The following LRRC4C variants were observed in gnomAD, a reference collection of about 807,000 sequenced individuals.
LRRC4C encodes the protein leucine rich repeat containing 4C, also known as leucine-rich repeat-containing protein 4C.
In LRRC4C, 5 loss-of-function variants were observed where a neutral mutation model predicts 33.6. The observed-to-expected ratio is 0.15, with a 90% CI of 0.08 to 0.31. The LOEUF (loss-of-function observed/expected upper bound fraction) is 0.31, where lower values mean the gene tolerates loss of function less well. Ranked by LOEUF, LRRC4C falls within the 10% of genes least tolerant of loss-of-function variation. The pLI, the probability that LRRC4C is intolerant of heterozygous loss-of-function variation, is 1.00. For missense variants in LRRC4C, 560 were observed against 796.7 expected (o/e 0.70, Z 3.58); for synonymous variants, 329 against 302.0 (o/e 1.09, Z -0.93).
chr11:40,634,411 G>T (rs1963770723), intron 3 of LRRC4C, among the ~76,000 whole-genome samples: 2 of 152,086 alleles, frequency 1.3e-5, no homozygotes, highest in Admixed American at 1.3e-4. Context: ...AGGGTTTACG[G>T]ATTTCATTAA....
chr11:41,053,546 T>C (rs2138159850), intron 1 of LRRC4C, among the ~76,000 whole-genome samples: 1 of 152,320 alleles, frequency 6.6e-6, no homozygotes, highest in Admixed American at 6.5e-5. Context: ...AATCCTGATG[T>C]AGGGAAACTG....
intron 1 of LRRC4C, among the ~76,000 whole-genome samples, chr11:41,063,586 A>G (rs1436171863): frequency 1.3e-5 from 2 of 152,158 alleles, no homozygotes; most frequent in Non-Finnish European, 2.9e-5. Context: ...TGTTTCAAAT[A>G]GAGGGGGCAG....
At chr11:40,670,835 C>T (rs1350747635) in intron 2 of LRRC4C, among the ~76,000 whole-genome samples, 1 of 152,176 alleles carries the variant, frequency 6.6e-6, no homozygotes, top group East Asian at 1.9e-4. Context: ...GCATCCTCGG[C>T]TCACTGCAAG....
At chr11:40,267,910 C>T (rs1215249489) in intron 4 of LRRC4C, among the ~76,000 whole-genome samples, 1 of 152,150 alleles carries the variant, frequency 6.6e-6, no homozygotes, top group Admixed American at 6.5e-5. Context: ...TAACTTCCTG[C>T]AATTACTGAC....
intron 1 of LRRC4C, among the ~76,000 whole-genome samples, chr11:41,376,775 AAT>A (rs1952951013): frequency 6.6e-6 from 1 of 152,136 alleles, no homozygotes; most frequent in Admixed American, 6.6e-5. Flanking sequence ...CATTGATAAA[AAT>A]ATTTGAGTAA....
At chr11:40,404,397 T>C (rs1170933360) in intron 3 of LRRC4C, among the ~76,000 whole-genome samples, 3 of 152,146 alleles carry the variant, frequency 2.0e-5, no homozygotes, top group East Asian at 1.9e-4. Flanking sequence ...TAGTGCATAA[T>C]ATATGCATAT....
At chr11:41,160,783 G>A (rs2136024212) in intron 1 of LRRC4C, among the ~76,000 whole-genome samples, 1 of 152,198 alleles carries the variant, frequency 6.6e-6, no homozygotes, top group South Asian at 2.1e-4. Context: ...TAGTGCTAAG[G>A]AAGTTTGTAC....
chr11:41,203,844 C>G (rs1302567122), intron 1 of LRRC4C, among the ~76,000 whole-genome samples: 1 of 152,184 alleles, frequency 6.6e-6, no homozygotes, highest in Non-Finnish European at 1.5e-5. Flanking sequence ...AAAACATTCA[C>G]AGCCCAAAAT....
At chr11:40,917,516 C>T (rs1038891) in intron 2 of LRRC4C, among the ~76,000 whole-genome samples, 15 of 151,902 alleles carry the variant, frequency 9.9e-5, no homozygotes, top group Admixed American at 2.6e-4. Context: ...TTAAATTATG[C>T]GTTGTATGCC....
At chr11:40,407,299 T>C (rs889108464) in intron 3 of LRRC4C, among the ~76,000 whole-genome samples, 4 of 152,130 alleles carry the variant, frequency 2.6e-5, no homozygotes, top group African/African-American at 9.7e-5. Flanking sequence ...TGAGCCAAAC[T>C]ACAGCTCAGA....
rs181752867 is a variant in LRRC4C at position 40,910,485 on chromosome 11, A to G, written c.-407+23150T>C. On this transcript the variant is annotated intron_variant, in intron 2 of 6. Transcript: ENST00000528697. ...TAATGTCACTTGATATTGTGGTCTA[A>G]AAAAGCAAATACGCCTTTGATGAAA... Among the ~76,000 whole-genome samples, 5 of 152,336 alleles carry G rather than the reference A, an allele frequency of 3.3e-5. No homozygotes were observed. The East Asian group carries it at 9.6e-4, about 29-fold the overall frequency.
intron 3 of LRRC4C, among the ~76,000 whole-genome samples, chr11:40,631,714 C>T (rs545704215): frequency 5.3e-5 from 8 of 152,176 alleles, no homozygotes; most frequent in Non-Finnish European, 8.8e-5. Context: ...CTTGGAATAG[C>T]GCTCTGCAAA....
At chr11:40,345,652 G>A (rs1293944987) in intron 3 of LRRC4C, among the ~76,000 whole-genome samples, 1 of 152,156 alleles carries the variant, frequency 6.6e-6, no homozygotes, top group Non-Finnish European at 1.5e-5. Flanking sequence ...AAAATTTCAT[G>A]ATGAGGATGC....
chr11:40,712,948 G>A (rs1308455917), intron 2 of LRRC4C, among the ~76,000 whole-genome samples: 1 of 151,532 alleles, frequency 6.6e-6, no homozygotes, highest in Non-Finnish European at 1.5e-5. Flanking sequence ...GAGTGCAGTG[G>A]TGTGATCTTG....
chr11:41,455,767 A>G (rs1173528284), intron 1 of LRRC4C, among the ~76,000 whole-genome samples: 1 of 152,188 alleles, frequency 6.6e-6, no homozygotes, highest in Non-Finnish European at 1.5e-5. Flanking sequence ...ACTATGAGTT[A>G]AGAATAGTTA....
At chr11:41,148,016 A>G (rs1943806992) in intron 1 of LRRC4C, among the ~76,000 whole-genome samples, 1 of 151,834 alleles carries the variant, frequency 6.6e-6, no homozygotes, top group Non-Finnish European at 1.5e-5. Context: ...AAAGCATGAG[A>G]ATATTTTTTT....
At chr11:40,146,125 G>A (rs1286292944) in intron 5 of LRRC4C, among the ~76,000 whole-genome samples, 1 of 152,126 alleles carries the variant, frequency 6.6e-6, no homozygotes, top group East Asian at 1.9e-4. Flanking sequence ...CATGATAGCT[G>A]TGCTCTCCTT....
chr11:40,115,952 G>A lies in LRRC4C; in HGVS notation c.341C>T (p.Thr114Ile). 6.2e-7 allele frequency: 1 copy of A among 1,614,104 alleles called. No homozygotes were observed. Among genetic ancestry groups the A allele is most frequent in the Non-Finnish European group, 8.5e-7 (1 of 1,180,030 alleles). The change falls in exon 7 of 7, where the codon ACC becomes ATC. Residue 114 changes from threonine to isoleucine, a missense_variant. By Grantham distance (89) the Thr-to-Ile change is moderately conservative. Around this residue, in one of 3 missense-constraint regions of LRRC4C, gnomAD observed 455 missense variants for 643.8 expected, o/e 0.71. Transcript: ENST00000528697. This position sits in a 1 kb window ranked among gnomAD's most constrained non-coding sequence, Gnocchi z 6.7. Reference sequence around the variant, plus strand: ...ACCATTGAAAGCCCCAATTTCAATGGTTCTGATATGGTTCCTACTCAACTG... The same window carrying A: ...ACCATTGAAAGCCCCAATTTCAATGATTCTGATATGGTTCCTACTCAACTG... ...ILQLSRNHIR[T>I]IEIGAFNGLA... is the part of the protein sequence containing the mutation.
intron 2 of LRRC4C, among the ~76,000 whole-genome samples, chr11:40,801,312 C>A (rs1951032894): frequency 1.3e-5 from 2 of 152,142 alleles, no homozygotes; most frequent in Admixed American, 1.3e-4. Flanking sequence ...GTGTGCCCTT[C>A]CTCACTATTC....
Sources: gnomAD v4.1 joint callset for allele counts (sites outside exome capture counted in the v4.1 genomes callset) on GRCh38, gnomAD v4.1.1 for gene constraint, gnomAD v4.1.1 regional missense constraint, Gnocchi (gnomAD v3.1) non-coding constraint, MANE v1.5 for transcripts, NCBI Gene and HGNC (gene_info 2026-07-23, HGNC 2026-07-21) for gene names.